MSANTD1: variants seen among roughly 807,000 people sequenced by gnomAD.
MSANTD1 encodes myb/SANT-like DNA-binding domain-containing protein 1.
In MSANTD1, 7 loss-of-function variants were observed where a neutral mutation model predicts 24.2. The observed-to-expected ratio is 0.29, with a 90% confidence interval of 0.16 to 0.54. The LOEUF (loss-of-function observed/expected upper bound fraction) is 0.54. Ranked by LOEUF, MSANTD1 falls within the 20% of genes least tolerant of loss-of-function variation. MSANTD1 has a pLI of 0.94. For synonymous variants in MSANTD1, 177 were observed against 181.1 expected (o/e 0.98, Z 0.18); for missense variants, 384 against 408.2 (o/e 0.94, Z 0.51).
upstream of MSANTD1, chr4:3,246,748 C>T: frequency 1.5e-6 from 1 of 653,910 alleles, no homozygotes; most frequent in Non-Finnish European, 2.8e-6. Context: ...GTGCTGCCAT[C>T]TGCTGCCTGC....
intron 1 of MSANTD1, among the ~76,000 whole-genome samples, chr4:3,251,455 C>T (rs914998169): frequency 1.1e-4 from 16 of 152,142 alleles, no homozygotes; most frequent in African/African-American, 3.9e-4. Flanking sequence ...CCAAGGGCTG[C>T]ACCGGTGCAC....
In MSANTD1 at chr4:3,256,197, A is replaced by G; in HGVS notation, c.*232A>G. 2.1e-6 allele frequency: 1 copy of G among 467,862 alleles called. No homozygotes were observed. Among genetic ancestry groups the G allele is most frequent in the East Asian group, 3.9e-5 (1 of 25,882 alleles). The allele number at this position is 467,862 out of a possible 1,614,324, so 29.0% of individuals were successfully genotyped here. On this transcript the variant is annotated 3_prime_UTR_variant, in exon 3 of 3. Transcript: ENST00000438480. ...GAATGCCCTTCCTCGGACACAGGCC[A>G]GGGCCTCTGGGGTTCACTCCGAGTA...
chr4:3,251,360 G>A (rs1225831526), intron 1 of MSANTD1, among the ~76,000 whole-genome samples: 1 of 152,232 alleles, frequency 6.6e-6, no homozygotes, highest in Non-Finnish European at 1.5e-5. Context: ...CCCAGGGGAG[G>A]GTTTCTGTCT....
upstream of MSANTD1, among the ~76,000 whole-genome samples, chr4:3,247,109 G>A (rs1193941143): frequency 2.0e-5 from 3 of 152,178 alleles, no homozygotes; most frequent in Non-Finnish European, 1.5e-5. Context: ...GCAGCTCCAA[G>A]GTGGATTTGT....
upstream of MSANTD1, chr4:3,246,720 G>T (rs1722041193): frequency 1.5e-6 from 1 of 673,870 alleles, no homozygotes; most frequent in East Asian, 2.8e-5. Flanking sequence ...CTCCCAGGCA[G>T]GAGCAGCTGG....
chr4:3,255,924 A>G lies in MSANTD1; in HGVS notation c.796A>G (p.Met266Val), dbSNP rs1429893714. 1 of 1,544,906 alleles carries G rather than the reference A, an allele frequency of 6.5e-7. No homozygotes were observed. Among genetic ancestry groups the G allele is most frequent in the Non-Finnish European group, 8.7e-7 (1 of 1,145,804 alleles). The change falls in exon 3 of 3, where the codon ATG (methionine) becomes GTG (valine). Residue 266 changes from methionine (M) to valine (V), a missense_variant. Coordinates refer to ENST00000438480, the MANE Select transcript of MSANTD1 (RefSeq NM_001042690.2). ...GAGCCTGCAGCTGCAGGAGCGCATG[A>G]TGAGTCTGCTGGAGAGGATCATCAC... ...VQSLQLQERM[M>V]SLLERIITKS...
rs1363684726 is a variant in MSANTD1 at position 3,249,213 on chromosome 4, C to A, written c.-10C>A. 5.0e-6 allele frequency: 7 copies of A among 1,386,380 alleles called. No homozygotes were observed. Among genetic ancestry groups the A allele is most frequent in the Non-Finnish European group, 6.5e-6 (7 of 1,073,006 alleles). 85.9% of individuals were successfully genotyped at this position (1,386,380 alleles called of 1,614,324 possible). A position where few individuals can be genotyped will look rare whatever the true frequency, so the allele number is the denominator to read the frequency against. On this transcript the variant is annotated 5_prime_UTR_variant, in exon 1 of 3. Coordinates refer to ENST00000438480, the MANE Select transcript of MSANTD1 (RefSeq NM_001042690.2). ...TGCCTTCGAGCGAGCGTGAGCGGCG[C>A]CTCCCGCCCATGGTGCGTGGGGCCG...
upstream of MSANTD1, among the ~76,000 whole-genome samples, chr4:3,245,694 G>A (rs1345842620): frequency 1.3e-5 from 2 of 152,318 alleles, no homozygotes; most frequent in East Asian, 3.9e-4. Context: ...TGTGGACATC[G>A]CTTGCGGGTC....
chr4:3,251,649 C>T (rs915054570), intron 1 of MSANTD1, among the ~76,000 whole-genome samples: 6 of 151,684 alleles, frequency 4.0e-5, no homozygotes, highest in Admixed American at 1.3e-4. Flanking sequence ...TCTTTATACC[C>T]GCAGTCTCCC....
rs1460702454 is a variant in MSANTD1, at chr4:3,256,011, G to T, written c.*46G>T. 1.4e-6 allele frequency: 2 copies of T among 1,458,320 alleles called. No homozygotes were observed. Among genetic ancestry groups the T allele is most frequent in the South Asian group, 2.8e-5 (2 of 70,458 alleles). The allele number at this position is 1,458,320 out of a possible 1,614,324, so 90.3% of individuals were successfully genotyped here. On this transcript the variant is annotated 3_prime_UTR_variant, in exon 3 of 3. Coordinates refer to ENST00000438480, the MANE Select transcript of MSANTD1 (RefSeq NM_001042690.2). ...GCGGGGCCGGGCGGCTGGTGGTACT[G>T]CTCAGGCCACCCAGGGCAGGCCACT...
At chr4:3,254,683 C>T (rs530253435) in intron 2 of MSANTD1, among the ~76,000 whole-genome samples, 3 of 152,328 alleles carry the variant, frequency 2.0e-5, no homozygotes, top group Admixed American at 2.0e-4. Context: ...ACCCCAGCAG[C>T]AGAGCTCTCA....
upstream of MSANTD1, chr4:3,244,653 G>C (rs949544067): frequency 6.6e-6 from 1 of 152,296 alleles, no homozygotes; most frequent in South Asian, 2.1e-4. Context: ...GATTGGTGGT[G>C]TAGTCATCTT....
chr4:3,247,281 A>G (rs149879669), upstream of MSANTD1, among the ~76,000 whole-genome samples: 253 of 152,288 alleles, frequency 1.7e-3, no homozygotes, highest in African/African-American at 5.7e-3. Flanking sequence ...ACTAAGGTCC[A>G]TGCTGAGTCG....
chr4:3,254,174 G>A (rs1398961744), intron 2 of MSANTD1, among the ~76,000 whole-genome samples: 1 of 152,170 alleles, frequency 6.6e-6, no homozygotes, highest in Non-Finnish European at 1.5e-5. Flanking sequence ...ATAGAAGTTG[G>A]CCATTTGGAG....
rs1170438077 is a variant in MSANTD1, at chr4:3,256,185, C to T, written c.*220C>T. On this transcript the variant is annotated 3_prime_UTR_variant, in exon 3 of 3. Coordinates refer to ENST00000438480, the MANE Select transcript of MSANTD1 (RefSeq NM_001042690.2). ...AGTCTCCAGCATGAATGCCCTTCCT[C>T]GGACACAGGCCAGGGCCTCTGGGGT... is the stretch of plus-strand genomic sequence containing the variant. 2.2e-5 allele frequency: 11 copies of T among 498,446 alleles called. No homozygotes were observed. The highest frequency in any genetic ancestry group is 1.7e-4 in the South Asian group (5 of 30,020). 30.9% of individuals were successfully genotyped at this position (498,446 alleles called of 1,614,324 possible).
chr4:3,253,603 G>A, intron 2 of MSANTD1, 121 bp downstream of exon 2: 1 of 1,085,718 alleles, frequency 9.2e-7, no homozygotes, highest in Non-Finnish European at 1.2e-6. Flanking sequence ...GGCCGTGGCT[G>A]CGGGCAGCGC....
At position 3,249,488 on chromosome 4, in the gene MSANTD1, G is replaced by T. The variant is rs148717609; in HGVS notation, c.266G>T (p.Arg89Leu). Reference sequence around the variant, plus strand: ...AAGCTCTTCGAGATGACCGGCGAGCGCAGGCTGGGCGAGGAGATCAAGATC... The same window carrying T: ...AAGCTCTTCGAGATGACCGGCGAGCTCAGGCTGGGCGAGGAGATCAAGATC... ...ASKLFEMTGE[R>L]RLGEEIKIKI... is the part of the protein sequence containing the mutation. The change falls in exon 1 of 3, where the codon CGC becomes CTC. Residue 89 changes from arginine to leucine, a missense_variant. Coordinates refer to ENST00000438480, the MANE Select transcript of MSANTD1 (RefSeq NM_001042690.2). 4.3e-6 allele frequency: 7 copies of T among 1,611,918 alleles called. No homozygotes were observed. The highest frequency in any genetic ancestry group is 3.3e-5 in the South Asian group (3 of 90,684).
chr4:3,251,221 G>A (rs1456610221), intron 1 of MSANTD1, among the ~76,000 whole-genome samples: 1 of 152,258 alleles, frequency 6.6e-6, no homozygotes, highest in East Asian at 1.9e-4. Flanking sequence ...GAGGGCAGTG[G>A]GAGGTGGCCA....
rs1472949715 is a variant in MSANTD1 at position 3,255,284 on chromosome 4, C to T, written c.597-441C>T. On this transcript the variant is annotated intron_variant, in intron 2 of 2. Coordinates refer to ENST00000438480, the MANE Select transcript of MSANTD1 (RefSeq NM_001042690.2). The stretch of plus-strand genomic sequence containing the variant: ...CTCGCTCTTGTGCAGAGAGCAGTGG[C>T]GCGATCTTGGCTCACTGCAACCTCC... Among the ~76,000 whole-genome samples the T allele has an allele frequency of 2.7e-5, 4 of 149,770 alleles. No homozygotes were observed. In the South Asian group the frequency reaches 6.3e-4, roughly 24 times the overall value.
Sources: gnomAD v4.1 joint callset for allele counts (sites outside exome capture counted in the v4.1 genomes callset) on GRCh38, gnomAD v4.1.1 for gene constraint, MANE v1.5 for transcripts, NCBI Gene and HGNC (gene_info 2026-07-23, HGNC 2026-07-21) for gene names.